SP100: variants seen among roughly 807,000 people sequenced by gnomAD.
The protein encoded by SP100 is nuclear autoantigen Sp-100.
A neutral mutation model predicts 130.0 loss-of-function variants in SP100; 84 were observed. The observed-to-expected ratio is 0.65, with a 90% CI of 0.54 to 0.77. SP100 has a LOEUF of 0.77. SP100 is among the 30% of genes least tolerant of loss of function. The pLI is 0.00. For synonymous variants in SP100, 331 were observed against 351.7 expected (o/e 0.94, Z 0.66); for missense variants, 978 against 1,052.2 (o/e 0.93, Z 0.97).
chr2:230,440,572 A>G lies in SP100; in HGVS notation c.108-2365A>G, dbSNP rs143913176. ...ATTAAACACATGTAAGTAAATGGAG[A>G]GATATACAATGTTAACAGATTGGAA... is the stretch of plus-strand genomic sequence containing the variant. On this transcript the variant is annotated intron_variant, in intron 2 of 28. Coordinates refer to ENST00000340126, the MANE Select transcript of SP100 (RefSeq NM_001080391.2). The G allele has an allele frequency of 1.4e-4, 189 of 1,383,074 alleles. 1 individual carries two copies. In the East Asian group the frequency reaches 4.8e-3, roughly 35 times the overall value. The allele number at this position is 1,383,074 out of a possible 1,614,324, so 85.7% of individuals were successfully genotyped here. A position where few individuals can be genotyped will look rare whatever the true frequency, so the allele number is the denominator to read the frequency against.
intron 8 of SP100, among the ~76,000 whole-genome samples, chr2:230,454,813 T>C (rs1430531478): frequency 1.3e-5 from 2 of 152,158 alleles, no homozygotes; most frequent in African/African-American, 4.8e-5. Flanking sequence ...GTCTAAAGTA[T>C]AGTTTAAGTT....
chr2:230,480,309 A>T (rs369565578), intron 17 of SP100, among the ~76,000 whole-genome samples: 1 of 152,230 alleles, frequency 6.6e-6, no homozygotes, highest in African/African-American at 2.4e-5. Context: ...TGAAAATCTA[A>T]TCCAAATATA....
intron 17 of SP100, among the ~76,000 whole-genome samples, chr2:230,488,926 T>C (rs903291874): frequency 3.9e-5 from 6 of 152,258 alleles, no homozygotes; most frequent in Admixed American, 3.9e-4. Context: ...AGTTTGCCAG[T>C]ATTTTATTGA....
intron 24 of SP100, among the ~76,000 whole-genome samples, chr2:230,533,477 C>T (rs1429019171): frequency 2.0e-5 from 3 of 152,190 alleles, no homozygotes; most frequent in Non-Finnish European, 4.4e-5. Context: ...GCATAAATGT[C>T]CTCTTAACCA....
chr2:230,536,877 C>T (rs1355143842), intron 24 of SP100, among the ~76,000 whole-genome samples: 1 of 152,188 alleles, frequency 6.6e-6, no homozygotes, highest in Non-Finnish European at 1.5e-5. Context: ...AACAAAGTCA[C>T]ATTTTGATTC....
intron 4 of SP100, among the ~76,000 whole-genome samples, chr2:230,444,998 A>G (rs960987255): frequency 5.9e-5 from 9 of 152,346 alleles, no homozygotes; most frequent in African/African-American, 2.2e-4. Context: ...GAATATGAGC[A>G]AGAAAGTTAA....
At chr2:230,484,809 T>C (rs1428379462) in intron 17 of SP100, among the ~76,000 whole-genome samples, 1 of 152,220 alleles carries the variant, frequency 6.6e-6, no homozygotes, top group Non-Finnish European at 1.5e-5. Context: ...GTTTTCCAGG[T>C]ATATAATCAT....
chr2:230,520,906 G>C (rs558232849), intron 24 of SP100, among the ~76,000 whole-genome samples: 2 of 152,292 alleles, frequency 1.3e-5, no homozygotes, highest in East Asian at 1.9e-4. Context: ...CAACATACAG[G>C]CTCAAATGTC....
chr2:230,493,044 T>G (rs2066472861), intron 17 of SP100, among the ~76,000 whole-genome samples: 1 of 152,204 alleles, frequency 6.6e-6, no homozygotes, highest in Non-Finnish European at 1.5e-5. Flanking sequence ...TTGGCTGTTT[T>G]GGGTCAATTT....
chr2:230,518,125 C>T (rs1313096260), intron 24 of SP100, among the ~76,000 whole-genome samples: 1 of 151,804 alleles, frequency 6.6e-6, no homozygotes, highest in African/African-American at 2.4e-5. Context: ...AGACTTTTTT[C>T]TCATGCAAAA....
intron 2 of SP100, among the ~76,000 whole-genome samples, chr2:230,424,114 G>A (rs908853131): frequency 2.0e-5 from 3 of 152,198 alleles, no homozygotes; most frequent in Non-Finnish European, 4.4e-5. Context: ...GGTGGGGCAA[G>A]CCTTGTTTCT....
intron 17 of SP100, among the ~76,000 whole-genome samples, chr2:230,482,489 C>G (rs1393169554): frequency 1.3e-5 from 2 of 152,140 alleles, no homozygotes; most frequent in African/African-American, 4.8e-5. Flanking sequence ...AGAACAAAAC[C>G]CTATCTCAAG....
chr2:230,496,487 A>C (rs1214009357), intron 18 of SP100, among the ~76,000 whole-genome samples: 1 of 152,216 alleles, frequency 6.6e-6, no homozygotes, highest in African/African-American at 2.4e-5. Context: ...AGGAGAAGGA[A>C]GTGGACAGGA....
intron 10 of SP100, 179 bp from the exon 11 acceptor site, chr2:230,463,888 G>C: frequency 2.1e-6 from 1 of 486,374 alleles, no homozygotes; most frequent in Non-Finnish European, 3.8e-6. Context: ...GACAAGAATG[G>C]AGTATCACTA....
At position 230,528,353 on chromosome 2, in the gene SP100, G is replaced by A. The variant is rs1691529040; in HGVS notation, c.2095-10914G>A. On this transcript the variant is annotated intron_variant, in intron 24 of 28. Transcript: ENST00000340126. Reference sequence around the variant, plus strand: ...ATGGGTAAATAACGAAATGAAGGCAGAAATAAATATGTTCTTTGAAACCAA... The same window carrying A: ...ATGGGTAAATAACGAAATGAAGGCAAAAATAAATATGTTCTTTGAAACCAA... Among the ~76,000 whole-genome samples, 4 of 152,296 alleles carry A rather than the reference G, an allele frequency of 2.6e-5. 1 individual carries two copies. In the South Asian group the frequency reaches 6.2e-4, roughly 24 times the overall value.
At position 230,511,161 on chromosome 2, in the gene SP100, C is replaced by T; in HGVS notation, c.2089C>T (p.Pro697Ser). 6.2e-7 allele frequency: 1 copy of T among 1,607,218 alleles called. No homozygotes were observed. The highest frequency in any genetic ancestry group is 8.5e-7 in the Non-Finnish European group (1 of 1,173,918). Reference sequence around the variant, plus strand: ...ATCTCACAACAATACCTTAGTTGACCCTTGTGTAAGTATAAATTTCCGACT... The same window carrying T: ...ATCTCACAACAATACCTTAGTTGACTCTTGTGTAAGTATAAATTTCCGACT... The part of the protein sequence containing the change: ...LESHNNTLVD[P>S]CPENSNICEV... Residue 697 changes from proline to serine, a missense_variant, in exon 24 of 29, where the codon CCT (proline) becomes TCT (serine). Coordinates refer to ENST00000340126, the MANE Select transcript of SP100 (RefSeq NM_001080391.2).
chr2:230,442,653 C>A (rs2063516325), intron 2 of SP100, among the ~76,000 whole-genome samples: 1 of 151,994 alleles, frequency 6.6e-6, no homozygotes, highest in Non-Finnish European at 1.5e-5. Flanking sequence ...ATTTTTATTT[C>A]AAAAAATATT....
intron 17 of SP100, among the ~76,000 whole-genome samples, chr2:230,480,621 G>A (rs1228812591): frequency 1.3e-5 from 2 of 152,296 alleles, no homozygotes; most frequent in Admixed American, 6.5e-5. Flanking sequence ...AGATGAGGTA[G>A]GGGGTAGACG....
At chr2:230,522,449 C>T (rs911683978) in intron 24 of SP100, among the ~76,000 whole-genome samples, 1 of 145,278 alleles carries the variant, frequency 6.9e-6, no homozygotes, top group East Asian at 2.0e-4. Flanking sequence ...GTGATGTTCT[C>T]CTTTAGTGCT....
Sources: allele counts gnomAD v4.1 joint callset (sites outside exome capture counted in the v4.1 genomes callset), GRCh38; gene constraint gnomAD v4.1.1; transcripts MANE v1.5; gene names NCBI Gene and HGNC (gene_info 2026-07-23, HGNC 2026-07-21).